The following COL16A1 variants were observed in gnomAD, a reference collection of about 807,000 sequenced individuals.
The protein encoded by COL16A1 is collagen alpha-1(XVI) chain.
In COL16A1, 189 loss-of-function variants were observed where a neutral mutation model predicts 266.3. The observed-to-expected ratio is 0.71, with a 90% CI of 0.63 to 0.80. The LOEUF is 0.80. COL16A1 is among the 30% of genes least tolerant of loss of function. COL16A1 has a pLI of 0.00. For synonymous variants in COL16A1, 740 were observed against 782.3 expected, an observed-to-expected ratio of 0.95 and a Z score of 0.90; for missense variants, 1,928 against 2,122.4, an observed-to-expected ratio of 0.91 and a Z score of 1.80.
chr1:31,687,414 GACACACAC>G, intron 26 of COL16A1, among the ~76,000 whole-genome samples: 1 of 140,604 alleles, frequency 7.1e-6, no homozygotes, highest in South Asian at 2.2e-4. Flanking sequence ...ACAACGCACA[GACACACAC>G]ACACACACAC....
In COL16A1 at chr1:31,697,091, G is replaced by A. The variant is rs199588971; in HGVS notation, c.739-3C>T. 61 of 1,614,118 alleles carry A rather than the reference G, an allele frequency of 3.8e-5. No individual in the cohort carries two copies. The East Asian group carries it at 1.4e-3, about 36-fold the overall frequency. On this transcript the variant is annotated splice_polypyrimidine_tract_variant and splice_region_variant and intron_variant, in intron 7 of 70. Coordinates refer to ENST00000373672, the MANE Select transcript of COL16A1 (RefSeq NM_001856.4). This position sits in a 1 kb window ranked among gnomAD's most constrained non-coding sequence, Gnocchi z 4.2. ...GCCTTGGAGGTCTCTGGGGGGCACT[G>A]TTTGGTGGAAGAGCGGGGCTAGGGT...
intron 63 of COL16A1, 142 bp from the exon 64 acceptor site, chr1:31,658,719 A>T: frequency 9.6e-7 from 1 of 1,041,610 alleles, no homozygotes; most frequent in Non-Finnish European, 1.4e-6. Context: ...GGACTCTGAG[A>T]TGACCTCCAG....
In COL16A1 at chr1:31,692,749, A is replaced by G. The variant is rs760524881; in HGVS notation, c.1113+18T>C. 1.2e-6 allele frequency: 2 copies of G among 1,613,622 alleles called. No individual in the cohort carries two copies. The highest frequency in any genetic ancestry group is 1.1e-5 in the South Asian group (1 of 91,068). Reference sequence around the variant, plus strand: ...GCCCCATATTGGCCCTGAAGCAGGCATCACCTCCAAGTCTTACCTGAAGTG... The same window carrying G: ...GCCCCATATTGGCCCTGAAGCAGGCGTCACCTCCAAGTCTTACCTGAAGTG... On this transcript the variant is annotated intron_variant, in intron 14 of 70. Coordinates refer to ENST00000373672, the MANE Select transcript of COL16A1 (RefSeq NM_001856.4).
chr1:31,699,705 T>C (rs955367935), intron 4 of COL16A1, 108 bp downstream of exon 4: 4 of 751,392 alleles, frequency 5.3e-6, no homozygotes, highest in South Asian at 3.2e-5. Context: ...GGGGCTGGGA[T>C]GCAATGACCC....
At chr1:31,655,166 C>A (rs1417281888) in intron 67 of COL16A1, 148 bp downstream of exon 67, 2 of 1,333,850 alleles carry the variant, frequency 1.5e-6, no homozygotes, top group African/African-American at 1.5e-5. Flanking sequence ...ATCATCCCCA[C>A]CCTTCCGCAC....
In COL16A1 at chr1:31,660,572, TG is replaced by T. The variant is rs1641563228; in HGVS notation, c.3879+12del. On this transcript the variant is annotated intron_variant, in intron 62 of 70. Coordinates refer to ENST00000373672, the MANE Select transcript of COL16A1 (RefSeq NM_001856.4). ...ACTCTTATGGAGACAGAGACAAAAG[TG>T]GTTCAACTCACAACGTGTCCCGGGG... is the stretch of plus-strand genomic sequence containing the variant. 1.2e-6 allele frequency: 2 copies of T among 1,613,684 alleles called. No individual in the cohort carries two copies. Among genetic ancestry groups the T allele is most frequent in the African/African-American group, 2.7e-5 (2 of 74,926 alleles).
intron 29 of COL16A1, 42 bp from the exon 30 acceptor site, chr1:31,684,898 C>G (rs1643896004): frequency 6.2e-7 from 1 of 1,611,996 alleles, no homozygotes; most frequent in Non-Finnish European, 8.5e-7. Context: ...CTCATACCAG[C>G]CACCCCAAAG....
chr1:31,696,038 A>G (rs1644482953), intron 9 of COL16A1, 50 bp downstream of exon 9: 3 of 1,523,092 alleles, frequency 2.0e-6, no homozygotes, highest in African/African-American at 1.4e-5. Flanking sequence ...ACAGGGGCAC[A>G]GAGGGCAGAC....
In COL16A1 at chr1:31,698,277, G is replaced by T; in HGVS notation, c.391-105C>A. ...CTCATTTCACAGGAGGGGAACTGAG[G>T]CCCAGAAAGAGAAGAAAGCCGGCTG... On this transcript the variant is annotated intron_variant, in intron 5 of 70. Transcript: ENST00000373672. This position sits in a 1 kb window ranked among gnomAD's most constrained non-coding sequence, Gnocchi z 4.1. The T allele has an allele frequency of 6.5e-7, 1 of 1,547,790 alleles. No homozygotes were observed. The highest frequency in any genetic ancestry group is 1.3e-5 in the South Asian group (1 of 78,334).
intron 52 of COL16A1, 87 bp downstream of exon 52, chr1:31,667,488 C>G: frequency 8.4e-7 from 1 of 1,186,086 alleles, no homozygotes; most frequent in Non-Finnish European, 1.2e-6. Flanking sequence ...CGATCCTCCC[C>G]TTCACAGGCT....
intron 11 of COL16A1, 125 bp downstream of exon 11, chr1:31,695,061 G>T: frequency 1.0e-6 from 1 of 954,272 alleles, no homozygotes; most frequent in Non-Finnish European, 1.6e-6. Context: ...GAGATGGGCA[G>T]GGAGCGAGTG....
At chr1:31,702,036 C>T (rs1644742352) in intron 2 of COL16A1, 85 bp downstream of exon 2, 1 of 1,593,492 alleles carries the variant, frequency 6.3e-7, no homozygotes, top group Non-Finnish European at 8.6e-7. Flanking sequence ...ACCACACATA[C>T]ATGGTCACAT....
At chr1:31,695,566 G>A (rs1570584343) in intron 10 of COL16A1, among the ~76,000 whole-genome samples, 195 bp downstream of exon 10, 1 of 152,134 alleles carries the variant, frequency 6.6e-6, no homozygotes, top group Non-Finnish European at 1.5e-5. Flanking sequence ...AACTCAGCAG[G>A]AGTGTCCTCC....
chr1:31,684,418 GC>G (rs1338055156), intron 31 of COL16A1, 104 bp downstream of exon 31: 6 of 1,521,362 alleles, frequency 3.9e-6, no homozygotes, highest in Non-Finnish European at 5.3e-6. Flanking sequence ...GACTCTGACA[GC>G]CGTTAAGGCC....
In COL16A1 at chr1:31,698,003, C is replaced by T. The variant is rs1644572386; in HGVS notation, c.560G>A (p.Ser187Asn). 3 of 1,613,560 alleles carry T rather than the reference C, an allele frequency of 1.9e-6. No homozygotes were observed. Among genetic ancestry groups the T allele is most frequent in the African/African-American group, 2.7e-5 (2 of 75,032 alleles). Reference protein sequence around the residue: ...GRVASVHVDCSSASSQPLGPR... With the variant: ...GRVASVHVDCNSASSQPLGPR... ...CCCCAGAGGCTGGGAGGAGGCTGAG[C>T]TGCAGTCCACGTGCACAGAGGCCAC... Residue 187 changes from serine (S) to asparagine (N), a missense_variant, in exon 6 of 71, where the codon AGC (serine) becomes AAC (asparagine). Around this residue, in one of 2 missense-constraint regions of COL16A1, gnomAD observed 1,552 missense variants for 1,637.2 expected, o/e 0.95. Coordinates refer to ENST00000373672, the MANE Select transcript of COL16A1 (RefSeq NM_001856.4). The surrounding 1 kb of genome is among the most constrained non-coding windows in gnomAD (Gnocchi z 4.1).
chr1:31,684,330 C>A, intron 31 of COL16A1, 99 bp from the exon 32 acceptor site: 1 of 1,445,360 alleles, frequency 6.9e-7, no homozygotes, highest in South Asian at 1.5e-5. Flanking sequence ...CTTGAATGCT[C>A]CCACGTCAGC....
rs752559417 is a variant in COL16A1 at position 31,683,770 on chromosome 1, C to T, written c.2338-22G>A. 14 of 1,614,030 alleles carry T rather than the reference C, an allele frequency of 8.7e-6. No individual in the cohort carries two copies. The East Asian group carries it at 2.9e-4, about 33-fold the overall frequency. ...CTCCCTGAAGAGGCAGAAGGACAGT[C>T]CCTGGCTCGAGGTTCCCCAGTCACC... is the stretch of plus-strand genomic sequence containing the variant. On this transcript the variant is annotated intron_variant, in intron 33 of 70. Coordinates refer to ENST00000373672, the MANE Select transcript of COL16A1 (RefSeq NM_001856.4).
chr1:31,693,461 C>T (rs930101063), intron 12 of COL16A1, among the ~76,000 whole-genome samples: 71 of 152,308 alleles, frequency 4.7e-4, no homozygotes, highest in Admixed American at 6.5e-4. Context: ...ACAGCACAGC[C>T]GGAGGCATAT....
Position 31,652,420 on chromosome 1 carries a change from TG to T in COL16A1, c.*230del. On this transcript the variant is annotated 3_prime_UTR_variant, in exon 71 of 71. Coordinates refer to ENST00000373672, the MANE Select transcript of COL16A1 (RefSeq NM_001856.4). This position sits in a 1 kb window ranked among gnomAD's most constrained non-coding sequence, Gnocchi z 4.8. ...TACCCAAAATGCCCTTTTTTGTTCC[TG>T]GGACTAAACGGGAAAAGGAGGGCAA... 2.5e-6 allele frequency: 1 copy of T among 403,186 alleles called. No homozygotes were observed. Among genetic ancestry groups the T allele is most frequent in the Non-Finnish European group, 4.2e-6 (1 of 237,584 alleles). The allele number at this position is 403,186 out of a possible 1,614,324, so 25.0% of individuals were successfully genotyped here.
Sources: allele counts gnomAD v4.1 joint callset (sites outside exome capture counted in the v4.1 genomes callset), GRCh38; gene constraint gnomAD v4.1.1; regional missense constraint gnomAD v4.1.1; non-coding constraint Gnocchi (gnomAD v3.1); transcripts MANE v1.5; gene names NCBI Gene and HGNC (gene_info 2026-07-23, HGNC 2026-07-21).